The following DPP10 variants were observed in gnomAD, a reference collection of about 807,000 sequenced individuals.
DPP10 encodes the protein inactive dipeptidyl peptidase 10.
Under a neutral mutation model 120.9 loss-of-function variants are expected in DPP10, and 33 were observed. The ratio of observed to expected loss-of-function variants is 0.27; its 90% CI spans 0.21 to 0.37. The LOEUF (loss-of-function observed/expected upper bound fraction) is 0.37. Among genes scored for constraint, DPP10 ranks in the 10% least tolerant of loss-of-function variants. DPP10 has a pLI of 1.00. For missense variants in DPP10, 816 were observed against 942.8 expected, an observed-to-expected ratio of 0.87 and a Z score of 1.76; for synonymous variants, 337 against 326.1, an observed-to-expected ratio of 1.03 and a Z score of -0.36.
chr2:115,347,360 T>C lies in DPP10; in HGVS notation c.271+3448T>C, dbSNP rs945525920. ...GAACTCCCCCGGAAATAGGGTCTTA[T>C]GATCTATTATCTGAAAGGTAGGTCA... On this transcript the variant is annotated intron_variant, in intron 3 of 25. Transcript: ENST00000410059. Among the ~76,000 whole-genome samples, 5 of 152,310 alleles carry C rather than the reference T, an allele frequency of 3.3e-5. 1 individual carries two copies. The highest frequency in any genetic ancestry group is 7.2e-5 in the African/African-American group (3 of 41,574).
intron 1 of DPP10, among the ~76,000 whole-genome samples, chr2:114,770,788 A>C (rs1405992989): frequency 1.3e-5 from 2 of 152,150 alleles, no homozygotes. Flanking sequence ...AATTTTTGCT[A>C]TTGTTCTTTC....
intron 1 of DPP10, among the ~76,000 whole-genome samples, chr2:114,955,109 T>C (rs1484430751): frequency 6.6e-6 from 1 of 152,230 alleles, no homozygotes; most frequent in Non-Finnish European, 1.5e-5. Context: ...GGCTAATCCA[T>C]AGACAGAGAA....
intron 1 of DPP10, among the ~76,000 whole-genome samples, chr2:114,898,919 A>G (rs1201949714): frequency 6.6e-6 from 1 of 152,174 alleles, no homozygotes; most frequent in Non-Finnish European, 1.5e-5. Context: ...GCAGGTCATT[A>G]ATTCTCTGAG....
chr2:115,530,060 T>A (rs78387584), intron 5 of DPP10, among the ~76,000 whole-genome samples: 4,795 of 152,216 alleles, frequency 0.032, 102 homozygotes, highest in Middle Eastern at 0.051. Flanking sequence ...TATGGTCTTT[T>A]TTTTCTTATC....
chr2:114,811,045 C>A (rs1685129718), intron 1 of DPP10, among the ~76,000 whole-genome samples: 1 of 152,086 alleles, frequency 6.6e-6, no homozygotes, highest in Non-Finnish European at 1.5e-5. Context: ...CATTTTTTCC[C>A]AGAGATTTCT....
At chr2:114,753,384 G>A (rs551210059) in intron 1 of DPP10, among the ~76,000 whole-genome samples, 60 of 152,198 alleles carry the variant, frequency 3.9e-4, no homozygotes, top group Non-Finnish European at 6.5e-4. Context: ...TATTTAGCCC[G>A]TATGAGCCTT....
chr2:115,291,584 TATTTA>T lies in DPP10; in HGVS notation c.61-17649_61-17645del, dbSNP rs761451274. Among the ~76,000 whole-genome samples, 232 of 152,276 alleles carry T rather than the reference TATTTA, an allele frequency of 1.5e-3. 1 individual carries two copies. The highest frequency in any genetic ancestry group is 6.8e-3 in the Middle Eastern group (2 of 294). On this transcript the variant is annotated intron_variant, in intron 1 of 25. Coordinates refer to ENST00000410059, the MANE Select transcript of DPP10 (RefSeq NM_020868.6). The stretch of plus-strand genomic sequence containing the variant: ...ACAATTTATATGCCCAGTGTATCAA[TATTTA>T]ATTTATTTACACATTTTTTTCATCA...
At chr2:115,373,472 G>C (rs2065560716) in intron 3 of DPP10, among the ~76,000 whole-genome samples, 1 of 148,890 alleles carries the variant, frequency 6.7e-6, no homozygotes, top group Admixed American at 6.8e-5. Flanking sequence ...GAATGAGAAT[G>C]CTAATTGATC....
At chr2:115,741,497 C>T (rs1431719353) in intron 9 of DPP10, among the ~76,000 whole-genome samples, 2 of 149,936 alleles carry the variant, frequency 1.3e-5, no homozygotes, top group African/African-American at 4.9e-5. Context: ...CCAGAGAAAA[C>T]CTGAAAAGTT....
intron 1 of DPP10, among the ~76,000 whole-genome samples, chr2:114,665,736 T>C (rs1434454956): frequency 6.6e-6 from 1 of 151,932 alleles, no homozygotes; most frequent in African/African-American, 2.4e-5. Context: ...GAGAAAAATG[T>C]GTTGTCCATG....
chr2:115,646,850 G>A (rs781147119), intron 5 of DPP10, among the ~76,000 whole-genome samples: 7 of 150,592 alleles, frequency 4.6e-5, no homozygotes, highest in Admixed American at 3.3e-4. Context: ...AGTCTGTAAC[G>A]TCACTCTCTA....
chr2:114,893,393 C>T (rs1045956406), intron 1 of DPP10, among the ~76,000 whole-genome samples: 7 of 152,014 alleles, frequency 4.6e-5, no homozygotes, highest in African/African-American at 1.7e-4. Context: ...CTAGCCAAGA[C>T]GTATAGGCGG....
At chr2:115,196,323 G>C (rs1573972470) in intron 1 of DPP10, among the ~76,000 whole-genome samples, 1 of 152,178 alleles carries the variant, frequency 6.6e-6, no homozygotes, top group East Asian at 1.9e-4. Flanking sequence ...TGCTTCGTTT[G>C]AATTTTGCAT....
At chr2:115,641,794 A>C (rs1256752075) in intron 5 of DPP10, among the ~76,000 whole-genome samples, 1 of 152,188 alleles carries the variant, frequency 6.6e-6, no homozygotes, top group Non-Finnish European at 1.5e-5. Flanking sequence ...AGCCAGATTC[A>C]GTGAAATTAT....
chr2:115,158,609 T>C (rs2052075785), intron 1 of DPP10, among the ~76,000 whole-genome samples: 1 of 152,178 alleles, frequency 6.6e-6, no homozygotes, highest in African/African-American at 2.4e-5. Context: ...TAACCCAAAA[T>C]AGAAGGAATT....
At chr2:115,571,974 C>T (rs2081361971) in intron 5 of DPP10, among the ~76,000 whole-genome samples, 1 of 152,058 alleles carries the variant, frequency 6.6e-6, no homozygotes, top group Non-Finnish European at 1.5e-5. Flanking sequence ...AATTACATCA[C>T]TCAATTTAAA....
At chr2:114,563,840 G>C (rs1396633046) in intron 1 of DPP10, among the ~76,000 whole-genome samples, 1 of 152,204 alleles carries the variant, frequency 6.6e-6, no homozygotes, top group African/African-American at 2.4e-5. Context: ...ATGTGTCTTG[G>C]TCACCCTCAC....
At chr2:115,299,405 C>T (rs1281235358) in intron 1 of DPP10, among the ~76,000 whole-genome samples, 1 of 151,866 alleles carries the variant, frequency 6.6e-6, no homozygotes, top group African/African-American at 2.4e-5. Flanking sequence ...TCGTGGGAGG[C>T]TTCAGCAGTG....
intron 1 of DPP10, among the ~76,000 whole-genome samples, chr2:114,975,370 C>T (rs1297686736): frequency 6.6e-6 from 1 of 152,006 alleles, no homozygotes; most frequent in Non-Finnish European, 1.5e-5. Context: ...CATTATTTTG[C>T]AAACATTTTA....
Sources: gnomAD v4.1 joint callset for allele counts (sites outside exome capture counted in the v4.1 genomes callset) on GRCh38, gnomAD v4.1.1 for gene constraint, MANE v1.5 for transcripts, NCBI Gene and HGNC (gene_info 2026-07-23, HGNC 2026-07-21) for gene names.